Variants in INTS4 observed in about 807,000 individuals in gnomAD.
The protein encoded by INTS4 is MSTP093.
INTS4 carries 70 observed loss-of-function variants against 119.5 expected under a neutral mutation model. The observed-to-expected ratio is 0.59, with a 90% CI of 0.48 to 0.71. The LOEUF is 0.71. Ranked by LOEUF, INTS4 falls within the 30% of genes least tolerant of loss-of-function variation. The pLI is 0.00. For synonymous variants in INTS4, 316 were observed against 419.6 expected, an observed-to-expected ratio of 0.75 and a Z score of 3.02; for missense variants, 867 against 1,173.2, an observed-to-expected ratio of 0.74 and a Z score of 3.81.
At chr11:77,982,694 G>A (rs990031542) in intron 2 of INTS4, among the ~76,000 whole-genome samples, 5 of 152,070 alleles carry the variant, frequency 3.3e-5, no homozygotes, top group Non-Finnish European at 5.9e-5. Context: ...CACAATACCT[G>A]ACACTGAAAA....
chr11:77,956,498 A>G lies in INTS4; in HGVS notation c.798-436T>C, dbSNP rs11237334. Among the ~76,000 whole-genome samples the G allele has an allele frequency of 2.4e-3, 366 of 152,186 alleles. 1 individual carries two copies. Among genetic ancestry groups the G allele is most frequent in the African/African-American group, 8.7e-3 (361 of 41,540 alleles). On this transcript the variant is annotated intron_variant, in intron 7 of 22. Coordinates refer to ENST00000534064, the MANE Select transcript of INTS4 (RefSeq NM_033547.4). The stretch of plus-strand genomic sequence containing the variant: ...GAGGCAGGTGGATAACTTGAGGTCA[A>G]GAGTTCGAGACCAGCCTGGCCAACA...
intron 8 of INTS4, among the ~76,000 whole-genome samples, chr11:77,949,053 G>A (rs1050599728): frequency 1.3e-5 from 2 of 152,068 alleles, no homozygotes; most frequent in African/African-American, 4.8e-5. Flanking sequence ...AGGTTGCTGT[G>A]AGCTATGACT....
chr11:77,912,327 A>C (rs933207860), intron 15 of INTS4, among the ~76,000 whole-genome samples: 1 of 150,256 alleles, frequency 6.7e-6, no homozygotes, highest in African/African-American at 2.5e-5. Flanking sequence ...GCACCACTGC[A>C]CTCCAGCCTG....
chr11:77,884,902 G>A (rs1016277303), intron 21 of INTS4: 17 of 240,618 alleles, frequency 7.1e-5, no homozygotes, highest in African/African-American at 1.6e-4. Context: ...TTACAGGCAC[G>A]TGCCACCACG....
intron 15 of INTS4, among the ~76,000 whole-genome samples, chr11:77,912,443 G>A (rs181414732): frequency 0.048 from 7,267 of 151,714 alleles, 278 homozygotes; most frequent in Middle Eastern, 0.089. Flanking sequence ...TTCCTCCCAG[G>A]AACACACACA....
At chr11:77,879,661 C>T (rs1347887607) in intron 22 of INTS4, among the ~76,000 whole-genome samples, 6 of 152,178 alleles carry the variant, frequency 3.9e-5, no homozygotes, top group African/African-American at 1.4e-4. Flanking sequence ...ACATCTCATT[C>T]TTTCATTACA....
chr11:77,970,809 G>GT (rs200322519), intron 4 of INTS4, among the ~76,000 whole-genome samples: 1,704 of 151,934 alleles, frequency 0.011, 11 homozygotes, highest in Middle Eastern at 0.021. Context: ...CTCATTGTGG[G>GT]TTTTTTGTTT....
At chr11:77,896,202 T>C (rs918518277) in intron 18 of INTS4, among the ~76,000 whole-genome samples, 3 of 151,202 alleles carry the variant, frequency 2.0e-5, no homozygotes, top group Non-Finnish European at 2.9e-5. Flanking sequence ...AAACAGCAGA[T>C]GACAAGAAGA....
At chr11:77,976,468 A>G (rs753608111) in intron 4 of INTS4, among the ~76,000 whole-genome samples, 15 of 152,184 alleles carry the variant, frequency 9.9e-5, no homozygotes, top group Admixed American at 4.6e-4. Flanking sequence ...GGAACACTTG[A>G]GCCCAGGAGT....
chr11:77,887,661 A>G (rs1289474483), intron 21 of INTS4, among the ~76,000 whole-genome samples: 1 of 152,186 alleles, frequency 6.6e-6, no homozygotes, highest in Non-Finnish European at 1.5e-5. Context: ...ATGATTGTAT[A>G]TCTAGAAAAC....
chr11:77,980,191 A>G (rs978333856), intron 3 of INTS4, among the ~76,000 whole-genome samples: 1 of 151,674 alleles, frequency 6.6e-6, no homozygotes, highest in Non-Finnish European at 1.5e-5. Flanking sequence ...ATCTTTGCTC[A>G]GGCTAACTTC....
chr11:77,960,479 T>C (rs550081365), intron 5 of INTS4, 88 bp from the exon 6 acceptor site: 3 of 1,031,366 alleles, frequency 2.9e-6, no homozygotes, highest in East Asian at 2.4e-5. Flanking sequence ...TTTTCCCCTA[T>C]TGTATCAGGC....
chr11:77,891,559 T>C, intron 20 of INTS4, 97 bp from the exon 21 acceptor site: 2 of 1,554,516 alleles, frequency 1.3e-6, no homozygotes, highest in South Asian at 2.3e-5. Flanking sequence ...TGAGTGGGCA[T>C]GTGGGAGCCA....
chr11:77,943,091 G>T (rs1953966646), intron 8 of INTS4, among the ~76,000 whole-genome samples: 1 of 152,128 alleles, frequency 6.6e-6, no homozygotes, highest in Non-Finnish European at 1.5e-5. Context: ...AGCATTAGCT[G>T]TTGGCTTTTT....
At position 77,991,284 on chromosome 11, in the gene INTS4, C is replaced by G; in HGVS notation, c.70G>C (p.Ala24Pro). ...TKVVQPQEEI[A>P]TKKLRLTKPS... ...TTTGTTAGTCGGAGTTTCTTAGTAG[C>G]AATTTCCTCCTGTGGCTGCAAGGGG... The change falls in exon 2 of 23, where the codon GCT becomes CCT. Residue 24 changes from alanine (A) to proline (P), a missense_variant. Coordinates refer to ENST00000534064, the MANE Select transcript of INTS4 (RefSeq NM_033547.4). 1 of 1,613,240 alleles carries G rather than the reference C, an allele frequency of 6.2e-7. No homozygotes were observed.
chr11:77,918,205 G>A, intron 15 of INTS4: 1 of 671,140 alleles, frequency 1.5e-6, no homozygotes, highest in South Asian at 1.5e-5. Context: ...GCCGAGGCGG[G>A]AGGATCACTT....
chr11:77,964,279 A>C (rs1855386415), intron 4 of INTS4, among the ~76,000 whole-genome samples: 1 of 152,140 alleles, frequency 6.6e-6, no homozygotes, highest in Non-Finnish European at 1.5e-5. Context: ...TGTATTTAAA[A>C]ATTATTGGCC....
rs373505130 is a variant in INTS4 at position 77,994,648 on chromosome 11, A to G, written c.-5T>C. 3 of 1,613,338 alleles carry G rather than the reference A, an allele frequency of 1.9e-6. No homozygotes were observed. In the East Asian group the frequency reaches 6.7e-5, roughly 36 times the overall value. ...CTTCTTAAGGTGCGCCGCCATGCCT[A>G]CCCGCGGGCCCTCTCAGCTTCCGTA... On this transcript the variant is annotated 5_prime_UTR_variant, in exon 1 of 23. Coordinates refer to ENST00000534064, the MANE Select transcript of INTS4 (RefSeq NM_033547.4).
At chr11:77,975,569 G>C (rs960602755) in intron 4 of INTS4, among the ~76,000 whole-genome samples, 3 of 152,056 alleles carry the variant, frequency 2.0e-5, no homozygotes, top group African/African-American at 7.2e-5. Context: ...AACAGCGGTT[G>C]TAGTTATGAA....
Sources: allele counts gnomAD v4.1 joint callset (sites outside exome capture counted in the v4.1 genomes callset), GRCh38; gene constraint gnomAD v4.1.1; transcripts MANE v1.5; gene names NCBI Gene and HGNC (gene_info 2026-07-23, HGNC 2026-07-21).